Variants in ACACB observed in about 807,000 individuals in gnomAD.
ACACB encodes acetyl-CoA carboxylase 2.
ACACB carries 209 observed loss-of-function variants against 278.8 expected under a neutral mutation model. The observed-to-expected ratio is 0.75, with a 90% CI of 0.67 to 0.84. ACACB has a LOEUF of 0.84. Among genes scored for constraint, ACACB ranks in the 40% least tolerant of loss-of-function variants. ACACB has a pLI of 0.00. For synonymous variants in ACACB, 1,174 were observed against 1,285.6 expected (o/e 0.91, Z 1.86); for missense variants, 2,850 against 3,269.0 (o/e 0.87, Z 3.13).
In ACACB at chr12:109,246,038, T is replaced by C. The variant is rs2046932307; in HGVS notation, c.5302-141T>C. 3.9e-6 allele frequency: 4 copies of C among 1,033,602 alleles called. No homozygotes were observed. In the African/African-American group the frequency reaches 6.5e-5, roughly 17 times the overall value. The allele number at this position is 1,033,602 out of a possible 1,614,324, so 64.0% of individuals were successfully genotyped here. On this transcript the variant is annotated intron_variant, in intron 38 of 52. Coordinates refer to ENST00000338432, the MANE Select transcript of ACACB (RefSeq NM_001093.4). ...CCAGAAAGTTGAGGCTGCAATGAGCTGTGATTGCACCACTGCACTCTGGCC... is the reference window on the plus strand; with the variant it reads ...CCAGAAAGTTGAGGCTGCAATGAGCCGTGATTGCACCACTGCACTCTGGCC...
intron 2 of ACACB, among the ~76,000 whole-genome samples, chr12:109,162,672 C>T (rs973416018): frequency 6.6e-6 from 1 of 152,128 alleles, no homozygotes; most frequent in African/African-American, 2.4e-5. Context: ...CTTAGAACTT[C>T]CCCGTTCCCC....
Position 109,242,454 on chromosome 12 carries a change from C to T in ACACB, c.5040C>T (p.Phe1680=), listed in dbSNP as rs768498418. The T allele has an allele frequency of 5.6e-6, 9 of 1,613,692 alleles. No individual in the cohort carries two copies. The highest frequency in any genetic ancestry group is 2.2e-5 in the South Asian group (2 of 91,068). ...SRSGNIMFHS[F]GNKQGPQHGM... is the part of the protein sequence containing the mutation. Reference sequence around the variant, plus strand: ...TGGTCCAGATCATGTTTCACTCCTTCGGCAACAAGCAAGGGCCCCAGCACG... The same window carrying T: ...TGGTCCAGATCATGTTTCACTCCTTTGGCAACAAGCAAGGGCCCCAGCACG... Residue 1680 remains phenylalanine (F), a synonymous_variant, in exon 37 of 53, where the codon TTC becomes TTT. Transcript: ENST00000338432.
chr12:109,247,237 C>T (rs902037317), intron 39 of ACACB, among the ~76,000 whole-genome samples: 1 of 151,744 alleles, frequency 6.6e-6, no homozygotes, highest in Non-Finnish European at 1.5e-5. Context: ...GCGATATTGC[C>T]CACTACCCCC....
intron 21 of ACACB, among the ~76,000 whole-genome samples, chr12:109,209,851 A>G (rs1371556566): frequency 3.5e-5 from 5 of 141,258 alleles, no homozygotes; most frequent in African/African-American, 8.1e-5. Context: ...ACACGTGTGT[A>G]TATATGTATA....
At chr12:109,137,029 T>C (rs1387165723) in intron 1 of ACACB, among the ~76,000 whole-genome samples, 2 of 152,220 alleles carry the variant, frequency 1.3e-5, no homozygotes, top group African/African-American at 2.4e-5. Flanking sequence ...CCTAATTTTC[T>C]GAATGTTGTT....
At chr12:109,111,344 TG>T in the ACACB span, 1 of 152,228 alleles carries the variant, frequency 6.6e-6, no homozygotes, top group African/African-American at 2.4e-5. Context: ...CCTGTGACGT[TG>T]GAGGGGAGCC....
intron 1 of ACACB, among the ~76,000 whole-genome samples, chr12:109,124,951 C>T (rs533060687): frequency 6.6e-6 from 1 of 152,118 alleles, no homozygotes; most frequent in South Asian, 2.1e-4. Flanking sequence ...TGAGCTCAAA[C>T]GATACTCCCG....
At position 109,254,329 on chromosome 12, in the gene ACACB, A is replaced by G; in HGVS notation, c.6161A>G (p.His2054Arg). The change falls in exon 44 of 53, where the codon CAC becomes CGC. Residue 2054 changes from histidine (H) to arginine (R), a missense_variant. Around this residue, in one of 3 missense-constraint regions of ACACB, gnomAD observed 579 missense variants for 684.6 expected, o/e 0.85. Coordinates refer to ENST00000338432, the MANE Select transcript of ACACB (RefSeq NM_001093.4). ...DPRWMLAGRP[H>R]PTLKGTWQSG... Reference sequence around the variant, plus strand: ...CGGTGGATGCTTGCAGGAAGGCCTCACCCAAGTAAGTTCTAAAGTATTTTG... The same window carrying G: ...CGGTGGATGCTTGCAGGAAGGCCTCGCCCAAGTAAGTTCTAAAGTATTTTG... 1 of 1,608,372 alleles carries G rather than the reference A, an allele frequency of 6.2e-7. No individual in the cohort carries two copies. Among genetic ancestry groups the G allele is most frequent in the Non-Finnish European group, 8.5e-7 (1 of 1,179,242 alleles).
rs374839265 is a variant in ACACB, at chr12:109,197,115, G to A, written c.2589G>A (p.Gly863=). The A allele has an allele frequency of 6.2e-7, 1 of 1,604,356 alleles. No individual in the cohort carries two copies. Among genetic ancestry groups the A allele is most frequent in the Admixed American group, 1.7e-5 (1 of 57,992 alleles). The change falls in exon 17 of 53, where the codon GGG becomes GGA. Residue 863 remains glycine (G), a synonymous_variant. Transcript: ENST00000338432. Reference sequence around the variant, plus strand: ...GGGGGCTCCTGCTCTCCTACAATGGGAACAGCTACACCACCTACATGAAGG... The same window carrying A: ...GGGGGCTCCTGCTCTCCTACAATGGAAACAGCTACACCACCTACATGAAGG... ...NDGGLLLSYN[G]NSYTTYMKEE...
rs1180149979 is a variant in ACACB at position 109,209,203 on chromosome 12, G to A, written c.3099G>A (p.Arg1033=). 3 of 1,607,906 alleles carry A rather than the reference G, an allele frequency of 1.9e-6. No homozygotes were observed. Among genetic ancestry groups the A allele is most frequent in the East Asian group, 2.2e-5 (1 of 44,756 alleles). Residue 1033 remains arginine (R), a synonymous_variant, in exon 21 of 53, where the codon CGG becomes CGA. Coordinates refer to ENST00000338432, the MANE Select transcript of ACACB (RefSeq NM_001093.4). ...EWVQKLMMTL[R]HPSLPLLELQ... ...TGCAGAAGCTCATGATGACCCTCCG[G>A]CACCCGTCACTGCCGCTGCTGGAGC...
intron 33 of ACACB, 49 bp from the exon 34 acceptor site, chr12:109,237,116 T>C: frequency 6.2e-7 from 1 of 1,600,008 alleles, no homozygotes; most frequent in Non-Finnish European, 8.6e-7. Context: ...AGCTCCAACG[T>C]CACGCTGTGT....
At chr12:109,242,230 A>G (rs1268936025) in intron 36 of ACACB, 2 of 541,074 alleles carry the variant, frequency 3.7e-6, no homozygotes, top group South Asian at 2.6e-5. Context: ...TTGGAACTGC[A>G]TTCCACAGCC....
intron 2 of ACACB, among the ~76,000 whole-genome samples, chr12:109,151,824 T>C (rs879673168): frequency 7.2e-5 from 11 of 152,180 alleles, no homozygotes; most frequent in Non-Finnish European, 1.6e-4. Context: ...AGCACAACAA[T>C]GGATGTTTGT....
At chr12:109,159,306 G>A (rs550775771) in intron 2 of ACACB, among the ~76,000 whole-genome samples, 7 of 152,322 alleles carry the variant, frequency 4.6e-5, no homozygotes, top group African/African-American at 1.7e-4. Flanking sequence ...TTAGCAGTGC[G>A]GGTAGCCGTT....
At chr12:109,167,087 T>C in intron 3 of ACACB, 94 bp downstream of exon 3, 1 of 1,550,486 alleles carries the variant, frequency 6.4e-7, no homozygotes, top group Non-Finnish European at 8.8e-7. Context: ...TTCAGGCTCA[T>C]TCTGCCTGCT....
At chr12:109,258,450 C>A in intron 46 of ACACB, 86 bp downstream of exon 46, 1 of 1,120,904 alleles carries the variant, frequency 8.9e-7, no homozygotes, top group Non-Finnish European at 1.3e-6. Flanking sequence ...CATCCCTGCC[C>A]TGCCAACTTA....
At chr12:109,167,643 A>ATATATATATATATATATT (rs1417620102) in intron 3 of ACACB, among the ~76,000 whole-genome samples, 34 of 135,564 alleles carry the variant, frequency 2.5e-4, no homozygotes, top group African/African-American at 9.6e-4. Context: ...ATATATATAT[A>ATATATATATATATATATT]TATATATATA....
intron 18 of ACACB, 25 bp from the exon 19 acceptor site, chr12:109,201,542 A>G: frequency 6.2e-7 from 1 of 1,613,642 alleles, no homozygotes. Context: ...TGGGCTCTGT[A>G]CTATTTCTTC....
chr12:109,184,737 C>A (rs990950361), intron 11 of ACACB, among the ~76,000 whole-genome samples: 2 of 145,788 alleles, frequency 1.4e-5, no homozygotes, highest in Admixed American at 1.4e-4. Context: ...GATGGAGTCT[C>A]GCTCTGTCAC....
Sources: allele counts gnomAD v4.1 joint callset (sites outside exome capture counted in the v4.1 genomes callset), GRCh38; gene constraint gnomAD v4.1.1; regional missense constraint gnomAD v4.1.1; transcripts MANE v1.5; gene names NCBI Gene and HGNC (gene_info 2026-07-23, HGNC 2026-07-21).